The following FAS variants were observed in gnomAD, a reference collection of about 807,000 sequenced individuals.
FAS encodes the protein Fas cell surface death receptor.
FAS carries 5 observed loss-of-function variants against 33.2 expected under a neutral mutation model. The observed-to-expected ratio is 0.15, with a 90% confidence interval of 0.08 to 0.32. The LOEUF is 0.32. Among genes scored for constraint, FAS ranks in the 10% least tolerant of loss-of-function variants. The probability of loss-of-function intolerance (pLI) is 1.00; values close to 1 mark genes in which losing one functional copy is unlikely to be tolerated. For synonymous variants in FAS, 131 were observed against 130.7 expected, an observed-to-expected ratio of 1.00 and a Z score of -0.01; for missense variants, 339 against 386.0, an observed-to-expected ratio of 0.88 and a Z score of 1.02.
rs569252912 is a variant in FAS, at chr10:89,007,437, CT to C, written c.197-254del. On this transcript the variant is annotated intron_variant, in intron 2 of 8. Transcript: ENST00000652046. ...AGTGTACTTTGTCATTCTAACCTTCCTTTTTTTTTGTATGCTCCTGTTGCTA... is the reference window on the plus strand; with the variant it reads ...AGTGTACTTTGTCATTCTAACCTTCCTTTTTTTTGTATGCTCCTGTTGCTA... Among the ~76,000 whole-genome samples, 12 of 151,338 alleles carry C rather than the reference CT, an allele frequency of 7.9e-5. No individual in the cohort carries two copies. The East Asian group carries it at 1.6e-3, about 20-fold the overall frequency.
intron 4 of FAS, among the ~76,000 whole-genome samples, chr10:89,010,158 T>C (rs1007282210): frequency 4.6e-4 from 70 of 152,242 alleles, no homozygotes; most frequent in African/African-American, 1.7e-3. Context: ...TTTCTTGGTC[T>C]ATAGGAATTT....
chr10:89,010,724 T>G (rs375860813), intron 5 of FAS, 29 bp from the exon 6 acceptor site: 27 of 1,613,606 alleles, frequency 1.7e-5, no homozygotes, highest in Non-Finnish European at 2.3e-5. Flanking sequence ...CTTATTTTCA[T>G]ATAAAATGTC....
intron 2 of FAS, among the ~76,000 whole-genome samples, chr10:89,005,231 G>A (rs1848159077): frequency 6.6e-6 from 1 of 151,824 alleles, no homozygotes; most frequent in Non-Finnish European, 1.5e-5. Flanking sequence ...GAAAAAGGAA[G>A]AGAAAAATAG....
upstream of FAS, among the ~76,000 whole-genome samples, chr10:88,983,877 G>A (rs550732102): frequency 7.0e-4 from 106 of 152,288 alleles, no homozygotes; most frequent in African/African-American, 2.5e-3. Flanking sequence ...TGCCTGCTTA[G>A]TGTCTTTCCT....
chr10:89,002,746 C>A, intron 1 of FAS: 1 of 421,346 alleles, frequency 2.4e-6, no homozygotes, highest in South Asian at 2.3e-5. Flanking sequence ...TGATTTTACC[C>A]ACAAACACAG....
chr10:88,976,778 T>C (rs1196361506), intron 2 of FAS, among the ~76,000 whole-genome samples: 1 of 152,224 alleles, frequency 6.6e-6, no homozygotes, highest in Non-Finnish European at 1.5e-5. Flanking sequence ...GTATTTTTAC[T>C]AAATAAAACC....
intron 1 of FAS, among the ~76,000 whole-genome samples, chr10:88,993,110 C>G (rs1847356241): frequency 6.6e-6 from 1 of 152,172 alleles, no homozygotes. Flanking sequence ...ATCCTTAACC[C>G]CTTTTGCTTC....
chr10:88,992,627 A>G (rs1417273506), intron 1 of FAS: 1 of 152,226 alleles, frequency 6.6e-6, no homozygotes, highest in Admixed American at 6.5e-5. Context: ...TTATATTTGT[A>G]TATGATATAT....
chr10:89,015,032 T>G lies in FAS; in HGVS notation c.*582T>G, dbSNP rs542335688. 396 of 533,838 alleles carry G rather than the reference T, an allele frequency of 7.4e-4. 6 individuals are homozygous for G. Among genetic ancestry groups the G allele is most frequent in the South Asian group, 2.5e-3 (164 of 65,092 alleles). The allele number at this position is 533,838 out of a possible 1,614,324, so 33.1% of individuals were successfully genotyped here. A position where few individuals can be genotyped will look rare whatever the true frequency, so the allele number is the denominator to read the frequency against. On this transcript the variant is annotated 3_prime_UTR_variant, in exon 9 of 9. Coordinates refer to ENST00000652046, the MANE Select transcript of FAS (RefSeq NM_000043.6). Reference sequence around the variant, plus strand: ...CCTCAAAGACCTTTGCACAGTTTATTGGTGTCATATTATACAATATTTCAA... The same window carrying G: ...CCTCAAAGACCTTTGCACAGTTTATGGGTGTCATATTATACAATATTTCAA...
chr10:88,988,976 G>A (rs1847009960), upstream of FAS, among the ~76,000 whole-genome samples: 1 of 152,158 alleles, frequency 6.6e-6, no homozygotes, highest in Admixed American at 6.5e-5. Flanking sequence ...AGACGTACGT[G>A]GGCAGAGGGT....
chr10:88,973,087 A>G, intron 1 of FAS: 1 of 1,375,266 alleles, frequency 7.3e-7, no homozygotes, highest in Non-Finnish European at 9.7e-7. Context: ...TTCAAAAAAT[A>G]ATTTTAACTT....
At chr10:88,994,337 G>A (rs1847452629) in intron 1 of FAS, among the ~76,000 whole-genome samples, 1 of 152,048 alleles carries the variant, frequency 6.6e-6, no homozygotes, top group African/African-American at 2.4e-5. Flanking sequence ...ATTGCTTTTG[G>A]CAAATTATCT....
intron 1 of FAS, among the ~76,000 whole-genome samples, chr10:89,002,205 G>T (rs1019220672): frequency 6.6e-6 from 1 of 152,172 alleles, no homozygotes; most frequent in African/African-American, 2.4e-5. Context: ...AAAATATTTA[G>T]GAAACTATTC....
At position 89,012,084 on chromosome 10, in the gene FAS, A is replaced by T; in HGVS notation, c.651+3A>T. 1 of 1,609,890 alleles carries T rather than the reference A, an allele frequency of 6.2e-7. No homozygotes were observed. The highest frequency in any genetic ancestry group is 8.5e-7 in the Non-Finnish European group (1 of 1,176,244). Reference sequence around the variant, plus strand: ...ATGAATCTCCAACTTTAAATCCTGTAGGTATTGAAATAGGTATCAGCTTTC... The same window carrying T: ...ATGAATCTCCAACTTTAAATCCTGTTGGTATTGAAATAGGTATCAGCTTTC... On this transcript the variant is annotated splice_donor_region_variant and intron_variant, in intron 7 of 8. Transcript: ENST00000652046.
At chr10:88,997,753 G>A (rs1292783815) in intron 1 of FAS, among the ~76,000 whole-genome samples, 1 of 152,080 alleles carries the variant, frequency 6.6e-6, no homozygotes, top group Admixed American at 6.6e-5. Context: ...TTCCTCAAGT[G>A]TTGATAAGTA....
chr10:88,973,355 A>G, intron 2 of FAS: 1 of 1,486,464 alleles, frequency 6.7e-7, no homozygotes, highest in Non-Finnish European at 9.0e-7. Flanking sequence ...TAGGTAATCC[A>G]AGAATTGCCA....
At chr10:88,973,155 C>T (rs771742979) in intron 1 of FAS, 5 of 1,595,830 alleles carry the variant, frequency 3.1e-6, no homozygotes, top group East Asian at 4.5e-5. Flanking sequence ...ATCCTCTCAC[C>T]TTCCCTTTCT....
In FAS at chr10:89,008,946, C is replaced by A. The variant is rs978449256; in HGVS notation, c.392C>A (p.Pro131Gln). 1.2e-6 allele frequency: 2 copies of A among 1,613,830 alleles called. No individual in the cohort carries two copies. The highest frequency in any genetic ancestry group is 1.3e-5 in the African/African-American group (1 of 74,890). Residue 131 changes from proline to glutamine, a missense_variant, in exon 4 of 9, where the codon CCA (proline) becomes CAA (glutamine). Pro to Gln is a moderately conservative substitution (Grantham distance 76, BLOSUM62 -1). Transcript: ENST00000652046. Reference protein sequence around the residue: ...RTQNTKCRCKPNFFCNSTVCE... With the variant: ...RTQNTKCRCKQNFFCNSTVCE... Reference sequence around the variant, plus strand: ...CAGAATACCAAGTGCAGATGTAAACCAAACTTTTTTTGTAACTCTACTGTA... The same window carrying A: ...CAGAATACCAAGTGCAGATGTAAACAAAACTTTTTTTGTAACTCTACTGTA...
Position 89,014,105 on chromosome 10 carries a change from T to G in FAS, c.677-14T>G, listed in dbSNP as rs1347223357. ...TTAGAAAAACAAATTTTCAGACTATTTTCTATTTTTCAGATGTTGACTTGA... is the reference window on the plus strand; with the variant it reads ...TTAGAAAAACAAATTTTCAGACTATGTTCTATTTTTCAGATGTTGACTTGA... On this transcript the variant is annotated splice_polypyrimidine_tract_variant and intron_variant, in intron 8 of 8. Coordinates refer to ENST00000652046, the MANE Select transcript of FAS (RefSeq NM_000043.6). The G allele has an allele frequency of 6.2e-7, 1 of 1,612,038 alleles. No homozygotes were observed. The highest frequency in any genetic ancestry group is 8.5e-7 in the Non-Finnish European group (1 of 1,179,424).
Sources: allele counts gnomAD v4.1 joint callset (sites outside exome capture counted in the v4.1 genomes callset), GRCh38; gene constraint gnomAD v4.1.1; transcripts MANE v1.5; gene names NCBI Gene and HGNC (gene_info 2026-07-23, HGNC 2026-07-21).